ZCCHC4: variants seen among roughly 807,000 people sequenced by gnomAD.
The protein encoded by ZCCHC4 is zinc finger CCHC-type containing 4.
Under a neutral mutation model 67.7 loss-of-function variants are expected in ZCCHC4, and 54 were observed. That is an observed-to-expected ratio of 0.80 (90% CI 0.64 to 1.00). ZCCHC4 has a LOEUF of 1.00. Ranked by LOEUF, ZCCHC4 falls within the 50% of genes least tolerant of loss-of-function variation. The pLI is 0.00. For missense variants in ZCCHC4, 609 were observed against 617.0 expected (o/e 0.99, Z 0.14); for synonymous variants, 198 against 213.5 (o/e 0.93, Z 0.63).
At chr4:25,347,599 A>G (rs1257074854) in intron 6 of ZCCHC4, among the ~76,000 whole-genome samples, 1 of 152,176 alleles carries the variant, frequency 6.6e-6, no homozygotes, top group Non-Finnish European at 1.5e-5. Flanking sequence ...CAAGTTTTTC[A>G]GTAGAGATTT....
intron 3 of ZCCHC4, among the ~76,000 whole-genome samples, chr4:25,321,772 C>T (rs2109052165): frequency 1.3e-5 from 2 of 152,286 alleles, no homozygotes; most frequent in South Asian, 4.1e-4. Flanking sequence ...GCCTCAGCCT[C>T]CCGGGTAGCT....
rs527628680 is a variant in ZCCHC4, at chr4:25,318,477, T to C, written c.329+3077T>C. Among the ~76,000 whole-genome samples the C allele has an allele frequency of 5.3e-5, 8 of 149,786 alleles. No homozygotes were observed. The Admixed American group carries it at 5.4e-4, about 10-fold the overall frequency. ...TTTCAAGTGATTCTCCTATCAAGCC[T>C]CTCAGTAGCTGGGATTACAGGCACC... On this transcript the variant is annotated intron_variant, in intron 3 of 12. Transcript: ENST00000302874.
intron 8 of ZCCHC4, among the ~76,000 whole-genome samples, chr4:25,354,196 G>A (rs75973481): frequency 0.01 from 1,583 of 152,204 alleles, 37 homozygotes; most frequent in African/African-American, 0.035. Flanking sequence ...GATGAGAGAG[G>A]CAATTTTGGA....
chr4:25,361,808 G>A (rs982648045), intron 8 of ZCCHC4, 51 bp from the exon 9 acceptor site: 2 of 1,523,854 alleles, frequency 1.3e-6, no homozygotes, highest in East Asian at 2.3e-5. Context: ...GAATCTTAAT[G>A]TTGACTAATT....
intron 8 of ZCCHC4, among the ~76,000 whole-genome samples, chr4:25,354,426 A>T (rs1720432968): frequency 6.6e-6 from 1 of 152,158 alleles, no homozygotes; most frequent in Non-Finnish European, 1.5e-5. Context: ...GGGAAAAAAA[A>T]TGAGAACAAA....
intron 5 of ZCCHC4, among the ~76,000 whole-genome samples, chr4:25,338,022 C>CT (rs1196528646): frequency 6.6e-6 from 1 of 152,142 alleles, no homozygotes; most frequent in African/African-American, 2.4e-5. Context: ...CTTTTTAAAC[C>CT]TTTTTTATGC....
intron 12 of ZCCHC4, chr4:25,365,895 G>T (rs1720922484): frequency 2.0e-6 from 2 of 984,098 alleles, no homozygotes; most frequent in African/African-American, 3.5e-5. Flanking sequence ...AACTAAAAGG[G>T]ATGATAGTGA....
intron 8 of ZCCHC4, among the ~76,000 whole-genome samples, chr4:25,360,274 C>A (rs746191121): frequency 6.6e-6 from 1 of 152,238 alleles, no homozygotes; most frequent in African/African-American, 2.4e-5. Context: ...CGGCTGAGAC[C>A]GCCTTCCTTG....
At chr4:25,337,598 A>G (rs1052087984) in intron 5 of ZCCHC4, among the ~76,000 whole-genome samples, 3 of 152,166 alleles carry the variant, frequency 2.0e-5, no homozygotes, top group Admixed American at 2.0e-4. Flanking sequence ...CCAATCACAC[A>G]GAGTTGGTTC....
chr4:25,337,638 A>G (rs1056528375), intron 5 of ZCCHC4, among the ~76,000 whole-genome samples: 1 of 152,204 alleles, frequency 6.6e-6, no homozygotes, highest in African/African-American at 2.4e-5. Flanking sequence ...CGACTTAAAG[A>G]GTAGGGATGT....
At chr4:25,363,628 G>T (rs1284124124) in intron 10 of ZCCHC4, among the ~76,000 whole-genome samples, 2 of 152,272 alleles carry the variant, frequency 1.3e-5, no homozygotes, top group East Asian at 3.9e-4. Context: ...TTATATAATG[G>T]TATTACTGGT....
chr4:25,330,740 A>C (rs1263389035), intron 3 of ZCCHC4, among the ~76,000 whole-genome samples: 2 of 152,220 alleles, frequency 1.3e-5, no homozygotes, highest in Non-Finnish European at 2.9e-5. Context: ...TCTTCTGAGT[A>C]CTTGAGTACT....
Position 25,349,638 on chromosome 4 carries a change from C to A in ZCCHC4, c.906C>A (p.Ser302Arg), listed in dbSNP as rs749645293. The A allele has an allele frequency of 1.2e-6, 2 of 1,613,506 alleles. No individual in the cohort carries two copies. Among genetic ancestry groups the A allele is most frequent in the Non-Finnish European group, 1.7e-6 (2 of 1,179,750 alleles). ...KLIAMWKEGQ[S>R]QDDSHKELPI... ...TTGCTATGTGGAAAGAAGGTCAAAG[C>A]CAAGGTGTATAATTTATTACTGCAA... is the stretch of plus-strand genomic sequence containing the variant. Residue 302 changes from serine to arginine, a missense_variant, in exon 7 of 13, where the codon AGC (serine) becomes AGA (arginine). Physicochemically the swap from Ser to Arg is moderately radical, Grantham distance 110. Transcript: ENST00000302874.
At chr4:25,360,745 A>G (rs1168109317) in intron 8 of ZCCHC4, among the ~76,000 whole-genome samples, 1 of 152,080 alleles carries the variant, frequency 6.6e-6, no homozygotes, top group Non-Finnish European at 1.5e-5. Context: ...GCCTGAAGCA[A>G]CCCTACACCT....
intron 12 of ZCCHC4, 113 bp from the exon 13 acceptor site, chr4:25,368,916 A>AC: frequency 1.5e-6 from 2 of 1,291,674 alleles, no homozygotes; most frequent in Non-Finnish European, 2.1e-6. Context: ...AATACAGTAG[A>AC]TTCTTTCCCT....
intron 6 of ZCCHC4, among the ~76,000 whole-genome samples, chr4:25,348,429 G>C (rs1720127759): frequency 6.6e-6 from 1 of 152,122 alleles, no homozygotes; most frequent in African/African-American, 2.4e-5. Flanking sequence ...AGTACAGTCA[G>C]CTCTCCCCAC....
chr4:25,346,754 G>GT (rs1213011327), intron 6 of ZCCHC4, among the ~76,000 whole-genome samples: 4 of 152,194 alleles, frequency 2.6e-5, no homozygotes, highest in Admixed American at 2.6e-4. Flanking sequence ...TATTTCAGCT[G>GT]TTTCCCAAAG....
intron 8 of ZCCHC4, among the ~76,000 whole-genome samples, chr4:25,360,711 C>A (rs970486584): frequency 2.4e-4 from 37 of 152,300 alleles, no homozygotes; most frequent in African/African-American, 8.4e-4. Flanking sequence ...GACCTGTAGT[C>A]CTAATGCAAG....
rs374438086 is a variant in ZCCHC4 at position 25,345,572 on chromosome 4, T to C, written c.711T>C (p.Asp237=). ...GGTATTCACAGTTTTATATGGAAGA[T>C]AGCTTTTGCCATTATAATATGTTTA... The part of the protein sequence containing the change: ...DFRYSQFYME[D]SFCHYNMFNH... Residue 237 remains aspartate (D), a synonymous_variant, in exon 6 of 13, where the codon GAT becomes GAC. Transcript: ENST00000302874. 4.1e-4 allele frequency: 646 copies of C among 1,566,994 alleles called. 2 individuals are homozygous for C. Among genetic ancestry groups the C allele is most frequent in the East Asian group, 1.3e-3 (60 of 44,672 alleles).
Sources: gnomAD v4.1 joint callset for allele counts (sites outside exome capture counted in the v4.1 genomes callset) on GRCh38, gnomAD v4.1.1 for gene constraint, MANE v1.5 for transcripts, NCBI Gene and HGNC (gene_info 2026-07-23, HGNC 2026-07-21) for gene names.